The following ZNF121 variants were observed in gnomAD, a reference collection of about 807,000 sequenced individuals.
ZNF121 encodes the protein zinc finger protein 121, also known as zinc finger protein 121 (clone ZHC32).
Under a neutral mutation model 2.4 loss-of-function variants are expected in ZNF121, and 1 was observed. The ratio of observed to expected loss-of-function variants is 0.41; its 90% CI spans 0.15 to 1.94. ZNF121 has a LOEUF of 1.94. ZNF121 is among the 30% of genes most tolerant of loss of function. ZNF121 has a pLI of 0.30. For synonymous variants in ZNF121, 173 were observed against 158.6 expected, an observed-to-expected ratio of 1.09 and a Z score of -0.68; for missense variants, 369 against 466.3, an observed-to-expected ratio of 0.79 and a Z score of 1.92.
intron 1 of ZNF121, among the ~76,000 whole-genome samples, chr19:9,577,483 G>A (rs2074219154): frequency 6.6e-6 from 1 of 151,380 alleles, no homozygotes; most frequent in Non-Finnish European, 1.5e-5. Context: ...AAAAAAAAAA[G>A]TAACCAAAAA....
chr19:9,576,043 C>T (rs1290307218), intron 1 of ZNF121, among the ~76,000 whole-genome samples: 1 of 152,118 alleles, frequency 6.6e-6, no homozygotes, highest in Non-Finnish European at 1.5e-5. Flanking sequence ...CCAACTGCTA[C>T]AGAAGATACA....
chr19:9,567,754 C>G (rs2074143935), intron 3 of ZNF121: 1 of 262,082 alleles, frequency 3.8e-6, no homozygotes, highest in Non-Finnish European at 7.8e-6. Flanking sequence ...AAGGAGCACA[C>G]AATCTAGAAC....
In ZNF121 at chr19:9,563,564, T is replaced by C. The variant is rs1246592251; in HGVS notation, c.*2376A>G. The C allele has an allele frequency of 2.0e-5, 3 of 152,182 alleles. No individual in the cohort carries two copies. The highest frequency in any genetic ancestry group is 6.5e-5 in the Admixed American group (1 of 15,270). 9.4% of individuals were successfully genotyped at this position (152,182 alleles called of 1,614,324 possible). On this transcript the variant is annotated 3_prime_UTR_variant, in exon 4 of 4. Coordinates refer to ENST00000320451, the MANE Select transcript of ZNF121 (RefSeq NM_001008727.5). ...TTTCACAGCTCTAGGTAAGCTAATATCTGACTTCAAAGATTCAAAGGACGG... is the reference window on the plus strand; with the variant it reads ...TTTCACAGCTCTAGGTAAGCTAATACCTGACTTCAAAGATTCAAAGGACGG...
chr19:9,569,925 C>T (rs1321817675), intron 1 of ZNF121, among the ~76,000 whole-genome samples: 2 of 143,972 alleles, frequency 1.4e-5, no homozygotes, highest in South Asian at 2.3e-4. Flanking sequence ...GGTAGTATTA[C>T]ATCTCTCTCT....
intron 1 of ZNF121, among the ~76,000 whole-genome samples, chr19:9,583,006 G>A (rs780335331): frequency 9.6e-4 from 142 of 147,808 alleles, no homozygotes; most frequent in Non-Finnish European, 1.6e-3. Flanking sequence ...AAGGTCAGGA[G>A]TTCGAGACCA....
intron 1 of ZNF121, among the ~76,000 whole-genome samples, chr19:9,581,694 A>C (rs1447974289): frequency 6.6e-6 from 1 of 152,218 alleles, no homozygotes; most frequent in Non-Finnish European, 1.5e-5. Context: ...TTCTAGGTAA[A>C]AAGACACTGA....
intron 1 of ZNF121, among the ~76,000 whole-genome samples, chr19:9,578,272 T>C (rs1424837845): frequency 5.3e-5 from 8 of 151,992 alleles, no homozygotes; most frequent in Non-Finnish European, 1.2e-4. Context: ...TGCGTGCCTG[T>C]AGTCCCAGCT....
chr19:9,581,181 C>A (rs988384519), intron 1 of ZNF121, among the ~76,000 whole-genome samples: 2 of 152,150 alleles, frequency 1.3e-5, no homozygotes, highest in Admixed American at 1.3e-4. Flanking sequence ...ATTGAACACT[C>A]GAACAAAGGA....
In ZNF121 at chr19:9,561,085, G is replaced by A. The variant is rs550180887; in HGVS notation, c.*4855C>T. The A allele has an allele frequency of 6.6e-6, 1 of 152,304 alleles. No homozygotes were observed. The highest frequency in any genetic ancestry group is 2.1e-4 in the South Asian group (1 of 4,830). The allele number at this position is 152,304 out of a possible 1,614,324, so 9.4% of individuals were successfully genotyped here. ...AAGCAAGAAATAACCCAGCAGTGCT[G>A]CAGTGGAATTAAAAGTGTTGGCTTG... On this transcript the variant is annotated 3_prime_UTR_variant, in exon 4 of 4. Coordinates refer to ENST00000320451, the MANE Select transcript of ZNF121 (RefSeq NM_001008727.5).
chr19:9,568,478 C>T (rs12461500), intron 2 of ZNF121, among the ~76,000 whole-genome samples: 19,786 of 151,624 alleles, frequency 0.13, 1,690 homozygotes, highest in African/African-American at 0.23. Flanking sequence ...TGGGTTCAAG[C>T]GATTCTCCTG....
At chr19:9,576,782 G>T (rs1334844798) in intron 1 of ZNF121, among the ~76,000 whole-genome samples, 1 of 151,970 alleles carries the variant, frequency 6.6e-6, no homozygotes, top group Non-Finnish European at 1.5e-5. Context: ...AAAGAAAACA[G>T]AACAGAAACC....
Position 9,575,910 on chromosome 19 carries a change from T to G in ZNF121, c.-159-6828A>C, listed in dbSNP as rs552564408. On this transcript the variant is annotated intron_variant, in intron 1 of 3. Coordinates refer to ENST00000320451, the MANE Select transcript of ZNF121 (RefSeq NM_001008727.5). ...ACACACTGCAGTGCAGTAATAATAG[T>G]AGGGGATTTCAACACCCCACTCTCG... Among the ~76,000 whole-genome samples, 1,170 of 150,128 alleles carry G rather than the reference T, an allele frequency of 7.8e-3. 14 individuals carry two copies. Among genetic ancestry groups the G allele is most frequent in the African/African-American group, 0.028 (1,132 of 40,580 alleles).
At chr19:9,571,962 A>C (rs556811241) in intron 1 of ZNF121, among the ~76,000 whole-genome samples, 1 of 152,224 alleles carries the variant, frequency 6.6e-6, no homozygotes, top group South Asian at 2.1e-4. Flanking sequence ...ATGAGGTTTC[A>C]CTACGTTGCC....
intron 1 of ZNF121, among the ~76,000 whole-genome samples, chr19:9,581,988 G>A (rs2074251165): frequency 6.6e-6 from 1 of 152,064 alleles, no homozygotes; most frequent in African/African-American, 2.4e-5. Context: ...TTTACCTGAG[G>A]TGAAAGAAAA....
intron 1 of ZNF121, among the ~76,000 whole-genome samples, chr19:9,572,603 T>G (rs562997549): frequency 6.6e-6 from 1 of 152,200 alleles, no homozygotes. Context: ...ACAGGTCACC[T>G]GGGCATGAAC....
intron 1 of ZNF121, among the ~76,000 whole-genome samples, chr19:9,571,055 C>T (rs2074170594): frequency 6.6e-6 from 1 of 152,206 alleles, no homozygotes; most frequent in African/African-American, 2.4e-5. Context: ...ACTGATCGTG[C>T]TGTCCCTAGA....
rs2074096205 is a variant in ZNF121 at position 9,560,630 on chromosome 19, C to T, written c.*5310G>A. 6.6e-6 allele frequency: 1 copy of T among 152,210 alleles called. No homozygotes were observed. Among genetic ancestry groups the T allele is most frequent in the South Asian group, 2.1e-4 (1 of 4,834 alleles). The allele number at this position is 152,210 out of a possible 1,614,324, so 9.4% of individuals were successfully genotyped here. A position where few individuals can be genotyped will look rare whatever the true frequency, so the allele number is the denominator to read the frequency against. ...GGTTTATTTCACTTAGCATAACGTCCATGTTGTAGCATATGGCAGAATTTT... is the reference window on the plus strand; with the variant it reads ...GGTTTATTTCACTTAGCATAACGTCTATGTTGTAGCATATGGCAGAATTTT... On this transcript the variant is annotated 3_prime_UTR_variant, in exon 4 of 4. Transcript: ENST00000320451.
In ZNF121 at chr19:9,564,114, G is replaced by A. The variant is rs988736374; in HGVS notation, c.*1826C>T. On this transcript the variant is annotated 3_prime_UTR_variant, in exon 4 of 4. Transcript: ENST00000320451. ...TGCCACTAATAATGCTTCTTCTGAG[G>A]GATCTGGATAAATTAAGTTGCAGAC... 6.6e-6 allele frequency: 1 copy of A among 152,146 alleles called. No individual in the cohort carries two copies. The allele number at this position is 152,146 out of a possible 1,614,324, so 9.4% of individuals were successfully genotyped here. A position where few individuals can be genotyped will look rare whatever the true frequency, so the allele number is the denominator to read the frequency against.
At chr19:9,574,589 C>T (rs2074197498) in intron 1 of ZNF121, among the ~76,000 whole-genome samples, 1 of 152,234 alleles carries the variant, frequency 6.6e-6, no homozygotes, top group Non-Finnish European at 1.5e-5. Context: ...CCAGTTTCCA[C>T]TGGCTGGAAT....
Sources: allele counts gnomAD v4.1 joint callset (sites outside exome capture counted in the v4.1 genomes callset), GRCh38; gene constraint gnomAD v4.1.1; transcripts MANE v1.5; gene names NCBI Gene and HGNC (gene_info 2026-07-23, HGNC 2026-07-21).